The following PPARD variants were observed in gnomAD, a reference collection of about 807,000 sequenced individuals.
PPARD encodes peroxisome proliferator activated receptor delta, also known as peroxisome proliferator-activated receptor delta.
PPARD carries 6 observed loss-of-function variants against 39.5 expected under a neutral mutation model. The observed-to-expected ratio is 0.15, with a 90% CI of 0.08 to 0.30. The LOEUF is 0.30. Ranked by LOEUF, PPARD falls within the 10% of genes least tolerant of loss-of-function variation. The pLI is 1.00. For missense variants in PPARD, 397 were observed against 596.8 expected (o/e 0.67, Z 3.49); for synonymous variants, 210 against 231.3 (o/e 0.91, Z 0.83).
intron 1 of PPARD, among the ~76,000 whole-genome samples, chr6:35,345,222 G>T (rs1410207461): frequency 6.6e-6 from 1 of 152,182 alleles, no homozygotes; most frequent in Non-Finnish European, 1.5e-5. Context: ...AGGTAGTCAT[G>T]ATTGTCAATT....
Position 35,424,361 on chromosome 6 carries a change from G to T in PPARD, c.660G>T (p.Trp220Cys). The T allele has an allele frequency of 1.9e-6, 3 of 1,612,774 alleles. No homozygotes were observed. The highest frequency in any genetic ancestry group is 2.5e-6 in the Non-Finnish European group (3 of 1,178,826). ...TGATCCACGACATCGAGACATTGTG[G>T]CAGGCAGAGAAGGGGCTGGTGTGGA... ...PFVIHDIETL[W>C]QAEKGLVWKQ... Residue 220 changes from tryptophan (W) to cysteine (C), a missense_variant, in exon 7 of 8, where the codon TGG becomes TGT. By Grantham distance (215) the Trp-to-Cys change is radical. Transcript: ENST00000360694. The surrounding 1 kb of genome is among the most constrained non-coding windows in gnomAD (Gnocchi z 7.1).
chr6:35,413,985 GCAT>G (rs1765592758), intron 3 of PPARD, among the ~76,000 whole-genome samples: 2 of 152,072 alleles, frequency 1.3e-5, no homozygotes, highest in Admixed American at 1.3e-4. Context: ...GGCCAAGTGT[GCAT>G]TTCTTTTACC....
At chr6:35,378,108 C>T (rs991099230) in intron 2 of PPARD, among the ~76,000 whole-genome samples, 2 of 151,982 alleles carry the variant, frequency 1.3e-5, no homozygotes, top group Non-Finnish European at 2.9e-5. Context: ...GTGATCCGCC[C>T]GCCTCGGCCT....
chr6:35,392,145 A>G (rs1191438869), intron 2 of PPARD, among the ~76,000 whole-genome samples: 1 of 152,022 alleles, frequency 6.6e-6, no homozygotes, highest in African/African-American at 2.4e-5. Flanking sequence ...GGCCAGTGCC[A>G]GCACCAGGTA....
In PPARD at chr6:35,412,908, C is replaced by G. The variant is rs1679487449; in HGVS notation, c.130+1691C>G. ...GCCAGTAGCACATACTGTTCTAAATCTGAAGAAGGTAGGGAGGGTTAGAAA... is the reference window on the plus strand; with the variant it reads ...GCCAGTAGCACATACTGTTCTAAATGTGAAGAAGGTAGGGAGGGTTAGAAA... On this transcript the variant is annotated intron_variant, in intron 3 of 7. Coordinates refer to ENST00000360694, the MANE Select transcript of PPARD (RefSeq NM_006238.5). The surrounding 1 kb of genome is among the most constrained non-coding windows in gnomAD (Gnocchi z 4.1). Among the ~76,000 whole-genome samples, 1 of 152,148 alleles carries G rather than the reference C, an allele frequency of 6.6e-6. No individual in the cohort carries two copies. The highest frequency in any genetic ancestry group is 1.5e-5 in the Non-Finnish European group (1 of 68,034).
intron 2 of PPARD, among the ~76,000 whole-genome samples, chr6:35,388,470 G>A (rs1012792649): frequency 6.6e-6 from 1 of 152,132 alleles, no homozygotes; most frequent in Non-Finnish European, 1.5e-5. Flanking sequence ...CCAGCACTTT[G>A]GGAGGCTGAG....
At chr6:35,348,426 C>A (rs1761021655) in intron 2 of PPARD, 1 of 985,278 alleles carries the variant, frequency 1.0e-6, no homozygotes, top group Non-Finnish European at 1.2e-6. Context: ...TTTCCATGTT[C>A]TCAGGATGCC....
At chr6:35,358,894 T>A (rs1366614379) in intron 2 of PPARD, among the ~76,000 whole-genome samples, 1 of 152,176 alleles carries the variant, frequency 6.6e-6, no homozygotes, top group African/African-American at 2.4e-5. Context: ...GCTCTCGTGG[T>A]AACTGAGGTG....
chr6:35,356,983 A>C (rs1384833234), intron 2 of PPARD, among the ~76,000 whole-genome samples: 1 of 152,222 alleles, frequency 6.6e-6, no homozygotes, highest in African/African-American at 2.4e-5. Flanking sequence ...AAAGCATATG[A>C]TGTCTGCACA....
At chr6:35,388,052 T>C (rs1355977348) in intron 2 of PPARD, among the ~76,000 whole-genome samples, 19 of 151,288 alleles carry the variant, frequency 1.3e-4, no homozygotes, top group East Asian at 1.9e-4. Context: ...AAAGCTTTTT[T>C]GTTGTACATA....
chr6:35,374,061 G>A (rs558075593), intron 2 of PPARD, among the ~76,000 whole-genome samples: 2 of 152,226 alleles, frequency 1.3e-5, no homozygotes, highest in South Asian at 4.1e-4. Flanking sequence ...TGGTCCACCT[G>A]GCAGTAGTGA....
intron 2 of PPARD, among the ~76,000 whole-genome samples, chr6:35,390,516 T>C (rs1279313839): frequency 6.6e-6 from 1 of 152,216 alleles, no homozygotes; most frequent in African/African-American, 2.4e-5. Flanking sequence ...TTATTAACTT[T>C]CAGGATTGAG....
chr6:35,415,921 C>T (rs1765729378), intron 3 of PPARD, among the ~76,000 whole-genome samples: 1 of 152,020 alleles, frequency 6.6e-6, no homozygotes, highest in African/African-American at 2.4e-5. Flanking sequence ...AGCTCAAGTC[C>T]AAAGGCAGCC....
intron 2 of PPARD, among the ~76,000 whole-genome samples, chr6:35,359,652 C>A (rs998951630): frequency 6.6e-6 from 1 of 152,158 alleles, no homozygotes; most frequent in African/African-American, 2.4e-5. Context: ...TCTATCCCCA[C>A]CTGTGTCTAA....
intron 2 of PPARD, among the ~76,000 whole-genome samples, chr6:35,398,620 A>G (rs958993973): frequency 1.3e-5 from 2 of 152,212 alleles, no homozygotes; most frequent in Admixed American, 6.5e-5. Flanking sequence ...AGAGACCTTT[A>G]GAGATTAGGA....
chr6:35,384,280 A>G (rs1232170766), intron 2 of PPARD, among the ~76,000 whole-genome samples: 1 of 120,946 alleles, frequency 8.3e-6, no homozygotes, highest in South Asian at 2.7e-4. Flanking sequence ...GCCCCCCGCC[A>G]GGCCAGCCGC....
At chr6:35,344,317 T>G (rs1452480594) in intron 1 of PPARD, among the ~76,000 whole-genome samples, 1 of 152,026 alleles carries the variant, frequency 6.6e-6, no homozygotes, top group Non-Finnish European at 1.5e-5. Context: ...TAGTATGAGG[T>G]ATCAGATTGA....
intron 2 of PPARD, among the ~76,000 whole-genome samples, chr6:35,384,575 C>G (rs1763453988): frequency 1.0e-5 from 1 of 97,298 alleles, no homozygotes; most frequent in Non-Finnish European, 2.0e-5. Context: ...GTGAGGAGCC[C>G]CTCTGCCCGG....
intron 1 of PPARD, among the ~76,000 whole-genome samples, chr6:35,344,894 T>C (rs1373921842): frequency 6.6e-6 from 1 of 152,184 alleles, no homozygotes; most frequent in Non-Finnish European, 1.5e-5. Context: ...CTTGCAAAGA[T>C]TTGGGTAGAC....
Sources: allele counts gnomAD v4.1 joint callset (sites outside exome capture counted in the v4.1 genomes callset), GRCh38; gene constraint gnomAD v4.1.1; non-coding constraint Gnocchi (gnomAD v3.1); transcripts MANE v1.5; gene names NCBI Gene and HGNC (gene_info 2026-07-23, HGNC 2026-07-21).